Variants in FSTL4 observed in about 807,000 individuals in gnomAD.
FSTL4 encodes follistatin-related protein 4.
In FSTL4, 28 loss-of-function variants were observed where a neutral mutation model predicts 78.2. That is an observed-to-expected ratio of 0.36 (90% CI 0.27 to 0.49). FSTL4 has a LOEUF of 0.49. Ranked by LOEUF, FSTL4 falls within the 20% of genes least tolerant of loss-of-function variation. FSTL4 has a pLI of 0.98. For missense variants in FSTL4, 922 were observed against 1,084.9 expected (o/e 0.85, Z 2.11); for synonymous variants, 422 against 440.5 (o/e 0.96, Z 0.53).
intron 4 of FSTL4, among the ~76,000 whole-genome samples, chr5:133,377,866 G>C (rs1360012986): frequency 6.6e-6 from 1 of 151,284 alleles, no homozygotes; most frequent in African/African-American, 2.4e-5. Context: ...AGAAAACAAA[G>C]ACAAAGAGAA....
At position 133,356,318 on chromosome 5, in the gene FSTL4, C is replaced by T. The variant is rs376830311; in HGVS notation, c.410-39666G>A. 3.2e-4 allele frequency among the ~76,000 whole-genome samples: 49 copies of T among 152,320 alleles called. No homozygotes were observed. In the East Asian group the frequency reaches 4.1e-3, roughly 13 times the overall value. On this transcript the variant is annotated intron_variant, in intron 4 of 15. Transcript: ENST00000265342. ...TTGTGGGCGCCAAGACAAATTTGGG[C>T]ATGCCCAGGTAGTCCACTGATCTCT...
chr5:133,477,949 T>C (rs940937567), intron 3 of FSTL4, among the ~76,000 whole-genome samples: 2 of 152,222 alleles, frequency 1.3e-5, no homozygotes, highest in South Asian at 2.1e-4. Context: ...GTTCCCATTG[T>C]CTGGCCAGTG....
intron 13 of FSTL4, among the ~76,000 whole-genome samples, chr5:133,211,850 G>T (rs947047784): frequency 1.3e-5 from 2 of 152,086 alleles, no homozygotes; most frequent in Non-Finnish European, 2.9e-5. Context: ...TTCATCTGTT[G>T]ATGATCTCAA....
intron 3 of FSTL4, chr5:133,457,970 G>C (rs966338753): frequency 6.6e-6 from 1 of 152,158 alleles, no homozygotes; most frequent in Non-Finnish European, 1.5e-5. Flanking sequence ...AATGTCACCA[G>C]GCAGAAGAAA....
At chr5:133,379,166 T>C (rs1363828661) in intron 4 of FSTL4, among the ~76,000 whole-genome samples, 1 of 152,134 alleles carries the variant, frequency 6.6e-6, no homozygotes, top group Non-Finnish European at 1.5e-5. Flanking sequence ...AACCAGGTGT[T>C]ATATAAACAG....
chr5:133,291,645 G>A lies in FSTL4; in HGVS notation c.727+21009C>T, dbSNP rs549629484. ...CAAATGAGCGTCTCAAGGAGGGAGA[G>A]GTCCGGAGGGCCTGATCTGCAGAGA... On this transcript the variant is annotated intron_variant, in intron 6 of 15. Coordinates refer to ENST00000265342, the MANE Select transcript of FSTL4 (RefSeq NM_015082.2). 2.4e-4 allele frequency among the ~76,000 whole-genome samples: 36 copies of A among 152,306 alleles called. No individual in the cohort carries two copies. In the East Asian group the frequency reaches 6.0e-3, roughly 25 times the overall value.
At chr5:133,297,872 G>A (rs1273832714) in intron 6 of FSTL4, among the ~76,000 whole-genome samples, 1 of 152,178 alleles carries the variant, frequency 6.6e-6, no homozygotes, top group African/African-American at 2.4e-5. Flanking sequence ...TGCCAGGTGG[G>A]GTGTGCAGCG....
intron 2 of FSTL4, among the ~76,000 whole-genome samples, chr5:133,577,944 T>C (rs992118351): frequency 6.6e-6 from 1 of 152,144 alleles, no homozygotes; most frequent in African/African-American, 2.4e-5. Flanking sequence ...CTCCAGCACT[T>C]TGGGGCTGAA....
At chr5:133,498,436 C>A (rs1464103726) in intron 3 of FSTL4, among the ~76,000 whole-genome samples, 5 of 152,100 alleles carry the variant, frequency 3.3e-5, no homozygotes, top group Non-Finnish European at 5.9e-5. Flanking sequence ...AATAATAGAT[C>A]AGCCAGGCAT....
At chr5:133,757,059 G>A in the FSTL4 span, among the ~76,000 whole-genome samples, 62 of 152,166 alleles carry the variant, frequency 4.1e-4, 1 homozygote, top group African/African-American at 1.3e-3. Context: ...TGGGCAATTC[G>A]CCCCCAGAGA....
chr5:133,621,072 C>T, the FSTL4 span, among the ~76,000 whole-genome samples: 2 of 152,114 alleles, frequency 1.3e-5, no homozygotes, highest in Non-Finnish European at 2.9e-5. Context: ...TATATATACA[C>T]GACAGAATAC....
chr5:133,319,398 C>T (rs1753992673), intron 4 of FSTL4, among the ~76,000 whole-genome samples: 2 of 152,226 alleles, frequency 1.3e-5, no homozygotes, highest in Admixed American at 6.5e-5. Context: ...GCCTCCAGTC[C>T]TGGGCACTGT....
At chr5:133,241,030 G>T (rs1399613381) in intron 7 of FSTL4, among the ~76,000 whole-genome samples, 1 of 152,176 alleles carries the variant, frequency 6.6e-6, no homozygotes, top group African/African-American at 2.4e-5. Flanking sequence ...ATTTGAATGA[G>T]CTCCAGCAAA....
chr5:133,400,606 T>C (rs1756197499), intron 4 of FSTL4, 132 bp downstream of exon 4: 2 of 809,610 alleles, frequency 2.5e-6, no homozygotes, highest in African/African-American at 3.5e-5. Flanking sequence ...GCTATTTTGT[T>C]ACACACCAGT....
At chr5:133,683,156 G>T in the FSTL4 span, among the ~76,000 whole-genome samples, 3 of 152,202 alleles carry the variant, frequency 2.0e-5, no homozygotes, top group Non-Finnish European at 4.4e-5. Context: ...GATCGGCAAG[G>T]TTTGCATATT....
chr5:133,778,077 G>T, the FSTL4 span, among the ~76,000 whole-genome samples: 220 of 152,330 alleles, frequency 1.4e-3, no homozygotes, highest in African/African-American at 5.0e-3. Flanking sequence ...GGCTCTAGAG[G>T]TGGGGTTTCC....
In FSTL4 at chr5:133,249,589, A is replaced by G. The variant is rs1752153086; in HGVS notation, c.728-13T>C. 1 of 1,603,410 alleles carries G rather than the reference A, an allele frequency of 6.2e-7. No homozygotes were observed. The highest frequency in any genetic ancestry group is 1.7e-5 in the Admixed American group (1 of 59,828). ...AGCTGAACCACTTCTGCAGAGGGAA[A>G]GGAGGAGGCACGGTCAGGTGCAGGC... On this transcript the variant is annotated splice_polypyrimidine_tract_variant and intron_variant, in intron 6 of 15. Transcript: ENST00000265342.
intron 6 of FSTL4, among the ~76,000 whole-genome samples, chr5:133,301,647 T>A (rs1753543453): frequency 6.6e-6 from 1 of 152,128 alleles, no homozygotes; most frequent in African/African-American, 2.4e-5. Context: ...AACAAGTATA[T>A]AAACAGTTGT....
intron 3 of FSTL4, among the ~76,000 whole-genome samples, chr5:133,455,810 C>T (rs1757476043): frequency 6.6e-6 from 1 of 152,228 alleles, no homozygotes; most frequent in African/African-American, 2.4e-5. Flanking sequence ...CTGGTGCCCA[C>T]ACTCCACCAC....
Sources: gnomAD v4.1 joint callset for allele counts (sites outside exome capture counted in the v4.1 genomes callset) on GRCh38, gnomAD v4.1.1 for gene constraint, MANE v1.5 for transcripts, NCBI Gene and HGNC (gene_info 2026-07-23, HGNC 2026-07-21) for gene names.